The following PIK3R6 variants were observed in gnomAD, a reference collection of about 807,000 sequenced individuals.
PIK3R6 encodes phosphoinositide 3-kinase regulatory subunit 6.
In PIK3R6, 91 loss-of-function variants were observed where a neutral mutation model predicts 84.9. The ratio of observed to expected loss-of-function variants is 1.07; its 90% CI spans 0.90 to 1.28. PIK3R6 has a LOEUF of 1.28. PIK3R6 is among the 50% of genes most tolerant of loss of function. PIK3R6 has a pLI of 0.00. For missense variants in PIK3R6, 996 were observed against 985.1 expected, an observed-to-expected ratio of 1.01 and a Z score of -0.15; for synonymous variants, 416 against 411.4, an observed-to-expected ratio of 1.01 and a Z score of -0.13.
chr17:8,837,905 G>T (rs747963074), intron 4 of PIK3R6, 34 bp from the exon 5 acceptor site: 1 of 1,588,820 alleles, frequency 6.3e-7, no homozygotes, highest in Admixed American at 1.7e-5. Context: ...CAGGTATTGG[G>T]CTGGGGGAAT....
chr17:8,828,290 G>A, intron 11 of PIK3R6, 100 bp from the exon 12 acceptor site: 1 of 1,275,482 alleles, frequency 7.8e-7, no homozygotes. Context: ...GGCAATTTGT[G>A]TCATCTTTCT....
chr17:8,853,254 G>C (rs182432439), intron 1 of PIK3R6, among the ~76,000 whole-genome samples: 358 of 151,946 alleles, frequency 2.4e-3, no homozygotes, highest in Non-Finnish European at 3.9e-3. Context: ...GGGAGGCCGA[G>C]GGGGGCAGAT....
chr17:8,829,766 TTGG>T lies in PIK3R6; in HGVS notation c.826_828del (p.Pro276del). 6.4e-7 allele frequency: 1 copy of T among 1,552,508 alleles called. No individual in the cohort carries two copies. The highest frequency in any genetic ancestry group is 1.2e-5 in the South Asian group (1 of 84,094). ...ATGTAGGGGCTGGGCAGGGGAATGC[TTGG>T]TGGCCGCTCTTGGACAAGGTCACCT... is the stretch of plus-strand genomic sequence containing the variant. On this transcript the variant is annotated inframe_deletion, in exon 10 of 20. Transcript: ENST00000619866.
At chr17:8,854,340 G>T (rs2089067987) in intron 1 of PIK3R6, among the ~76,000 whole-genome samples, 1 of 152,060 alleles carries the variant, frequency 6.6e-6, no homozygotes, top group Non-Finnish European at 1.5e-5. Flanking sequence ...GTAGAGACAG[G>T]GTTTCACTAT....
At chr17:8,816,213 A>C (rs1358099156) in intron 18 of PIK3R6, among the ~76,000 whole-genome samples, 1 of 152,252 alleles carries the variant, frequency 6.6e-6, no homozygotes, top group Non-Finnish European at 1.5e-5. Context: ...TGAGTGAAGA[A>C]ATAAAAGAAA....
At chr17:8,814,861 G>T (rs2087478811) in intron 18 of PIK3R6, among the ~76,000 whole-genome samples, 1 of 151,922 alleles carries the variant, frequency 6.6e-6, no homozygotes, top group Admixed American at 6.6e-5. Flanking sequence ...TCCCACCAAG[G>T]TATATTCTTG....
chr17:8,849,736 A>G (rs973392878), intron 2 of PIK3R6, 46 bp downstream of exon 2: 30 of 1,582,744 alleles, frequency 1.9e-5, no homozygotes, highest in Non-Finnish European at 2.4e-5. Flanking sequence ...GGCCTTCCCC[A>G]CTCGGCAGCA....
rs150241956 is a variant in PIK3R6, at chr17:8,814,843, A to C, written c.1995+4240T>G. On this transcript the variant is annotated intron_variant, in intron 18 of 19. Transcript: ENST00000619866. ...CATCAAAGGTCCAAAATGATGAATGAAAAAAGATCCCACCAAGGTATATTC... is the reference window on the plus strand; with the variant it reads ...CATCAAAGGTCCAAAATGATGAATGCAAAAAGATCCCACCAAGGTATATTC... Among the ~76,000 whole-genome samples, 218 of 152,336 alleles carry C rather than the reference A, an allele frequency of 1.4e-3. 1 individual carries two copies. Among genetic ancestry groups the C allele is most frequent in the African/African-American group, 4.7e-3 (194 of 41,576 alleles).
At chr17:8,829,679 T>C (rs1394088913) in intron 10 of PIK3R6, 27 bp downstream of exon 10, 5 of 1,543,704 alleles carry the variant, frequency 3.2e-6, no homozygotes, top group Non-Finnish European at 4.4e-6. Context: ...TATACCACTG[T>C]TTCCAGACAG....
chr17:8,856,745 A>G (rs919705337), intron 1 of PIK3R6, among the ~76,000 whole-genome samples: 1 of 152,168 alleles, frequency 6.6e-6, no homozygotes, highest in Non-Finnish European at 1.5e-5. Flanking sequence ...GATATTACTT[A>G]CCCATAAACA....
In PIK3R6 at chr17:8,822,705, T is replaced by C. The variant is rs117881973; in HGVS notation, c.1718-48A>G. The C allele has an allele frequency of 2.8e-3, 4,417 of 1,577,176 alleles. 68 individuals are homozygous for C. The African/African-American group carries it at 0.033, about 12-fold the overall frequency. On this transcript the variant is annotated intron_variant, in intron 15 of 19. Transcript: ENST00000619866. ...TTGGGGTGGAGGTTCCCAGGCCTCT[T>C]GCCCTAACTTCCCCACCTCTCTGAG...
Position 8,819,146 on chromosome 17 carries a change from T to C in PIK3R6, c.1932A>G (p.Thr644=), listed in dbSNP as rs370066144. The change falls in exon 18 of 20, where the codon ACA becomes ACG. Residue 644 remains threonine (T), a synonymous_variant. Transcript: ENST00000619866. ...CCTCTGTCACGTTGACATTCAGACATGTGTGGTCTGTGACAGGAGCAGCAG... is the reference window on the plus strand; with the variant it reads ...CCTCTGTCACGTTGACATTCAGACACGTGTGGTCTGTGACAGGAGCAGCAG... The part of the protein sequence containing the change: ...PLPAAPVTDH[T]CLNVNVTEVV... 1.4e-5 allele frequency: 22 copies of C among 1,610,678 alleles called. 1 individual carries two copies. The highest frequency in any genetic ancestry group is 1.7e-5 in the Non-Finnish European group (20 of 1,178,570).
chr17:8,808,346 A>G lies in PIK3R6; in HGVS notation c.1996-4193T>C, dbSNP rs367595557. ...TGCATATGTGGAACCTGCACATACA[A>G]AAGGCCAACAGTAAGAGACTTTAGC... On this transcript the variant is annotated intron_variant, in intron 18 of 19. Transcript: ENST00000619866. Among the ~76,000 whole-genome samples, 18 of 152,074 alleles carry G rather than the reference A, an allele frequency of 1.2e-4. 1 individual carries two copies. The highest frequency in any genetic ancestry group is 4.6e-4 in the Admixed American group (7 of 15,304).
At chr17:8,852,752 AAGAG>A (rs1289335487) in intron 1 of PIK3R6, among the ~76,000 whole-genome samples, 5 of 151,642 alleles carry the variant, frequency 3.3e-5, no homozygotes, top group African/African-American at 7.3e-5. Context: ...AAAAAAAAAA[AAGAG>A]AGAGAGTGGC....
At chr17:8,853,832 A>G (rs556208643) in intron 1 of PIK3R6, among the ~76,000 whole-genome samples, 28 of 149,816 alleles carry the variant, frequency 1.9e-4, no homozygotes, top group East Asian at 4.1e-4. Context: ...GTGTGGTGGC[A>G]TGCGCCTGTA....
chr17:8,804,481 C>T (rs1054399695), intron 18 of PIK3R6, among the ~76,000 whole-genome samples: 3 of 152,172 alleles, frequency 2.0e-5, no homozygotes, highest in African/African-American at 7.2e-5. Context: ...CCGAGCACCT[C>T]CTCTATGACA....
chr17:8,818,847 T>C (rs1459973197), intron 18 of PIK3R6, among the ~76,000 whole-genome samples: 2 of 152,174 alleles, frequency 1.3e-5, no homozygotes, highest in South Asian at 2.1e-4. Flanking sequence ...GGTCAGCAGA[T>C]GGAGGGCAGG....
In PIK3R6 at chr17:8,819,612, A is replaced by C. The variant is rs945120270; in HGVS notation, c.1880-414T>G. Reference sequence around the variant, plus strand: ...GAGGCTCCAAGTGGGTGAGGAGGGCATCAGTGCCAACAGGTCAAGGTTTCT... The same window carrying C: ...GAGGCTCCAAGTGGGTGAGGAGGGCCTCAGTGCCAACAGGTCAAGGTTTCT... On this transcript the variant is annotated intron_variant, in intron 17 of 19. Coordinates refer to ENST00000619866, the MANE Select transcript of PIK3R6 (RefSeq NM_001010855.4). Among the ~76,000 whole-genome samples, 6 of 151,330 alleles carry C rather than the reference A, an allele frequency of 4.0e-5. No homozygotes were observed. In the South Asian group the frequency reaches 1.3e-3, roughly 32 times the overall value.
chr17:8,866,981 TC>T (rs1196092451), intron 1 of PIK3R6, among the ~76,000 whole-genome samples: 2 of 152,004 alleles, frequency 1.3e-5, no homozygotes, highest in East Asian at 3.8e-4. Context: ...TTCACCAAAT[TC>T]CCCAGGAAAG....
Sources: allele counts gnomAD v4.1 joint callset (sites outside exome capture counted in the v4.1 genomes callset), GRCh38; gene constraint gnomAD v4.1.1; transcripts MANE v1.5; gene names NCBI Gene and HGNC (gene_info 2026-07-23, HGNC 2026-07-21).